The following SORCS2 variants were observed in gnomAD, a reference collection of about 807,000 sequenced individuals.
The protein encoded by SORCS2 is VPS10 domain-containing receptor SorCS2.
SORCS2 carries 100 observed loss-of-function variants against 141.6 expected under a neutral mutation model. The ratio of observed to expected loss-of-function variants is 0.71; its 90% CI spans 0.60 to 0.83. SORCS2 has a LOEUF of 0.83. Among genes scored for constraint, SORCS2 ranks in the 40% least tolerant of loss-of-function variants. The pLI, the probability that SORCS2 is intolerant of heterozygous loss-of-function variation, is 0.00. For synonymous variants in SORCS2, 789 were observed against 676.9 expected (o/e 1.17, Z -2.57); for missense variants, 1,646 against 1,560.2 (o/e 1.05, Z -0.93).
chr4:7,447,168 G>C (rs906009963), intron 2 of SORCS2, among the ~76,000 whole-genome samples: 1 of 152,202 alleles, frequency 6.6e-6, no homozygotes. Context: ...GGTTCCTTCC[G>C]AGGCTGTGAA....
chr4:7,616,965 T>A (rs1718802855), intron 3 of SORCS2, among the ~76,000 whole-genome samples: 1 of 152,224 alleles, frequency 6.6e-6, no homozygotes, highest in South Asian at 2.1e-4. Flanking sequence ...TTGGCCCTTT[T>A]GAGCTTTGCA....
At chr4:7,430,289 G>A (rs1726745284) in intron 2 of SORCS2, 1 of 150,188 alleles carries the variant, frequency 6.7e-6, no homozygotes, top group Non-Finnish European at 1.5e-5. Context: ...CAGAGAGAGA[G>A]AACATCGTTG....
intron 1 of SORCS2, among the ~76,000 whole-genome samples, chr4:7,381,328 C>T (rs1423252078): frequency 6.6e-6 from 1 of 152,158 alleles, no homozygotes; most frequent in East Asian, 1.9e-4. Flanking sequence ...ACACACGGAG[C>T]ACAGAGCTGG....
chr4:7,406,388 G>C (rs1255189100), intron 2 of SORCS2, among the ~76,000 whole-genome samples: 22 of 147,358 alleles, frequency 1.5e-4, no homozygotes, highest in Non-Finnish European at 3.1e-4. Context: ...TTTGATAGGA[G>C]ACTTTATGAC....
chr4:7,550,081 C>G (rs1713568427), intron 3 of SORCS2, among the ~76,000 whole-genome samples: 1 of 120,334 alleles, frequency 8.3e-6, no homozygotes, highest in African/African-American at 3.1e-5. Flanking sequence ...CTCTTCACAC[C>G]TGCCGGGAGC....
rs549593920 is a variant in SORCS2 at position 7,455,946 on chromosome 4, G to A, written c.548+59591G>A. On this transcript the variant is annotated intron_variant, in intron 2 of 26. Transcript: ENST00000507866. ...CAGGCTGCCAAAACAAAATACCTGG[G>A]ACTAGGGGCTTAAACAAGAGTAATT... 2.6e-5 allele frequency among the ~76,000 whole-genome samples: 4 copies of A among 152,292 alleles called. No individual in the cohort carries two copies. In the South Asian group the frequency reaches 8.3e-4, roughly 32 times the overall value.
intron 1 of SORCS2, among the ~76,000 whole-genome samples, chr4:7,298,977 G>A (rs754943627): frequency 1.3e-5 from 2 of 152,274 alleles, no homozygotes; most frequent in Non-Finnish European, 2.9e-5. Context: ...GCAGAGTTGT[G>A]CAAATTGCAG....
chr4:7,724,456 ATGG>A (rs1175354716), intron 19 of SORCS2, among the ~76,000 whole-genome samples: 3 of 82,838 alleles, frequency 3.6e-5, no homozygotes, highest in Non-Finnish European at 7.4e-5. Context: ...GGTGGTGGTG[ATGG>A]TGGTGGTGAT....
intron 3 of SORCS2, among the ~76,000 whole-genome samples, chr4:7,593,771 A>G (rs996689988): frequency 2.0e-5 from 3 of 152,186 alleles, no homozygotes; most frequent in Non-Finnish European, 4.4e-5. Context: ...GAGCGGCTGT[A>G]ACTTACTTTA....
At chr4:7,667,835 A>T (rs530586044) in intron 8 of SORCS2, among the ~76,000 whole-genome samples, 1 of 152,116 alleles carries the variant, frequency 6.6e-6, no homozygotes, top group Non-Finnish European at 1.5e-5. Flanking sequence ...CCCTATTAAT[A>T]TATTATTCCC....
chr4:7,349,277 C>G (rs1000254611), intron 1 of SORCS2, among the ~76,000 whole-genome samples: 1 of 152,218 alleles, frequency 6.6e-6, no homozygotes, highest in African/African-American at 2.4e-5. Flanking sequence ...GAAGGCCCCT[C>G]TGCCCCAGTG....
At chr4:7,733,803 A>G (rs1405330895) in intron 24 of SORCS2, among the ~76,000 whole-genome samples, 1 of 152,096 alleles carries the variant, frequency 6.6e-6, no homozygotes, top group Non-Finnish European at 1.5e-5. Context: ...TTCGCCCCAC[A>G]CCAGCATCAA....
chr4:7,412,615 C>A (rs1188068182), intron 2 of SORCS2, among the ~76,000 whole-genome samples: 1 of 152,120 alleles, frequency 6.6e-6, no homozygotes, highest in Non-Finnish European at 1.5e-5. Flanking sequence ...TGAGAATCGT[C>A]TCTCAGGGTT....
intron 1 of SORCS2, among the ~76,000 whole-genome samples, chr4:7,322,380 C>A (rs1178071345): frequency 1.3e-5 from 2 of 152,216 alleles, no homozygotes; most frequent in African/African-American, 2.4e-5. Flanking sequence ...TGCCTCCTGG[C>A]CCAGCCCAGC....
At chr4:7,687,149 A>G (rs1413155427) in intron 10 of SORCS2, among the ~76,000 whole-genome samples, 1 of 152,208 alleles carries the variant, frequency 6.6e-6, no homozygotes, top group East Asian at 1.9e-4. Flanking sequence ...CTGGCCTTCT[A>G]GGAAACCTAG....
intron 4 of SORCS2, among the ~76,000 whole-genome samples, chr4:7,650,185 C>T (rs1266991181): frequency 1.3e-5 from 2 of 152,182 alleles, no homozygotes; most frequent in East Asian, 3.8e-4. Context: ...GGGGGTGACC[C>T]TGGGTGAATC....
At chr4:7,480,612 G>A (rs1195195151) in intron 2 of SORCS2, among the ~76,000 whole-genome samples, 3 of 152,238 alleles carry the variant, frequency 2.0e-5, no homozygotes, top group Non-Finnish European at 4.4e-5. Context: ...TGAGGAAACA[G>A]TTCCACCTGC....
chr4:7,693,092 G>A (rs566167149), intron 11 of SORCS2, among the ~76,000 whole-genome samples: 1 of 152,340 alleles, frequency 6.6e-6, no homozygotes, highest in African/African-American at 2.4e-5. Flanking sequence ...CTTCCCGACT[G>A]GGCGTGTTGC....
intron 1 of SORCS2, among the ~76,000 whole-genome samples, chr4:7,332,540 T>C (rs568913171): frequency 6.6e-6 from 1 of 152,016 alleles, no homozygotes; most frequent in African/African-American, 2.4e-5. Context: ...TAGGCAACAC[T>C]CTCCGGGCTG....
Sources: allele counts gnomAD v4.1 joint callset (sites outside exome capture counted in the v4.1 genomes callset), GRCh38; gene constraint gnomAD v4.1.1; transcripts MANE v1.5; gene names NCBI Gene and HGNC (gene_info 2026-07-23, HGNC 2026-07-21).